Variants in IGSF21 observed in about 807,000 individuals in gnomAD.
IGSF21 encodes the protein immunoglobulin superfamily member 21.
IGSF21 carries 28 observed loss-of-function variants against 46.8 expected under a neutral mutation model. That is an observed-to-expected ratio of 0.60 (90% CI 0.44 to 0.82). IGSF21 has a LOEUF of 0.82. Ranked by LOEUF, IGSF21 falls within the 40% of genes least tolerant of loss-of-function variation. The pLI is 0.00. For missense variants in IGSF21, 624 were observed against 665.5 expected, an observed-to-expected ratio of 0.94 and a Z score of 0.69; for synonymous variants, 284 against 273.6, an observed-to-expected ratio of 1.04 and a Z score of -0.38.
intron 1 of IGSF21, among the ~76,000 whole-genome samples, chr1:18,123,201 G>A (rs1337812816): frequency 3.3e-5 from 5 of 152,236 alleles, no homozygotes; most frequent in African/African-American, 1.2e-4. Context: ...ATAGGATTTA[G>A]AAGGAACACC....
chr1:18,173,205 G>A (rs779948564), intron 1 of IGSF21, among the ~76,000 whole-genome samples: 1 of 152,118 alleles, frequency 6.6e-6, no homozygotes, highest in South Asian at 2.1e-4. Flanking sequence ...GGAGAATGGC[G>A]TGAACCCGGG....
chr1:18,273,807 G>C (rs1274806206), intron 2 of IGSF21, among the ~76,000 whole-genome samples: 1 of 151,980 alleles, frequency 6.6e-6, no homozygotes, highest in African/African-American at 2.4e-5. Context: ...GAGGTGGGAG[G>C]GAAAACATGA....
chr1:18,155,604 G>T (rs1484990568), intron 1 of IGSF21, among the ~76,000 whole-genome samples: 1 of 152,240 alleles, frequency 6.6e-6, no homozygotes, highest in African/African-American at 2.4e-5. Flanking sequence ...TGCCCAAAAA[G>T]CTGGGGTGCC....
chr1:18,146,923 T>C (rs1420382727), intron 1 of IGSF21, among the ~76,000 whole-genome samples: 1 of 152,202 alleles, frequency 6.6e-6, no homozygotes, highest in Admixed American at 6.5e-5. Context: ...ATAAAACACA[T>C]GCCTTGTAGC....
chr1:18,327,454 C>A (rs755492135), intron 3 of IGSF21, among the ~76,000 whole-genome samples: 10 of 152,182 alleles, frequency 6.6e-5, no homozygotes, highest in Non-Finnish European at 1.2e-4. Flanking sequence ...AGCTGCCAGG[C>A]CTTTGAGGCT....
At chr1:18,182,045 G>A (rs2086862288) in intron 1 of IGSF21, among the ~76,000 whole-genome samples, 1 of 152,066 alleles carries the variant, frequency 6.6e-6, no homozygotes, top group African/African-American at 2.4e-5. Context: ...ACCCCCATTT[G>A]TTAGCCTTTA....
At chr1:18,199,867 G>A (rs976935830) in intron 1 of IGSF21, among the ~76,000 whole-genome samples, 2 of 152,084 alleles carry the variant, frequency 1.3e-5, no homozygotes, top group African/African-American at 2.4e-5. Context: ...TTGCTTGGGG[G>A]CTCACACTAG....
intron 3 of IGSF21, among the ~76,000 whole-genome samples, chr1:18,320,402 G>A (rs973290906): frequency 1.3e-5 from 2 of 152,184 alleles, no homozygotes; most frequent in African/African-American, 4.8e-5. Flanking sequence ...CTGGGCTTTT[G>A]GTGGGCTGAC....
At chr1:18,265,430 C>T (rs1317183631) in intron 2 of IGSF21, among the ~76,000 whole-genome samples, 1 of 152,190 alleles carries the variant, frequency 6.6e-6, no homozygotes, top group East Asian at 1.9e-4. Context: ...TCTGGGTGTC[C>T]TCTGGGTGTT....
chr1:18,119,367 G>C (rs1349010545), intron 1 of IGSF21, among the ~76,000 whole-genome samples: 2 of 152,206 alleles, frequency 1.3e-5, no homozygotes, highest in Non-Finnish European at 2.9e-5. Context: ...AGTTTTCTCA[G>C]CTTCCATTTA....
At chr1:18,363,964 G>A (rs535635484) in intron 5 of IGSF21, among the ~76,000 whole-genome samples, 5 of 152,242 alleles carry the variant, frequency 3.3e-5, no homozygotes, top group African/African-American at 1.2e-4. Context: ...CCCTTTGGAG[G>A]CCATAGACAG....
intron 4 of IGSF21, among the ~76,000 whole-genome samples, chr1:18,338,444 CTG>C (rs1158495083): frequency 2.0e-5 from 3 of 152,130 alleles, no homozygotes; most frequent in Non-Finnish European, 4.4e-5. Flanking sequence ...TGCAGCCAAA[CTG>C]GGGCAAGACA....
intron 3 of IGSF21, among the ~76,000 whole-genome samples, chr1:18,305,369 G>A (rs1381532091): frequency 2.0e-5 from 3 of 151,034 alleles, no homozygotes; most frequent in Admixed American, 1.3e-4. Context: ...ATGCATGGAC[G>A]GATGGATGGA....
rs553817608 is a variant in IGSF21 at position 18,365,003 on chromosome 1, G to T, written c.541-220G>T. On this transcript the variant is annotated intron_variant, in intron 5 of 9. Coordinates refer to ENST00000251296, the MANE Select transcript of IGSF21 (RefSeq NM_032880.5). This position sits in a 1 kb window ranked among gnomAD's most constrained non-coding sequence, Gnocchi z 4.8. ...ATCAGTTGGTAAATGATGGGATTGG[G>T]CTAAGCCTCTGCCCCAAGGGCCTGC... Among the ~76,000 whole-genome samples the T allele has an allele frequency of 1.3e-5, 2 of 152,128 alleles. No homozygotes were observed. The highest frequency in any genetic ancestry group is 2.4e-5 in the African/African-American group (1 of 41,428).
At chr1:18,278,807 CG>C (rs1557621544) in intron 2 of IGSF21, 1 of 470,574 alleles carries the variant, frequency 2.1e-6, no homozygotes, top group Admixed American at 2.3e-5. Context: ...CTGCCTGCCT[CG>C]GCCTCCAAAA....
chr1:18,346,398 G>A lies in IGSF21; in HGVS notation c.424+11388G>A, dbSNP rs575693040. 4.6e-5 allele frequency among the ~76,000 whole-genome samples: 7 copies of A among 152,242 alleles called. No homozygotes were observed. The East Asian group carries it at 5.8e-4, about 13-fold the overall frequency. On this transcript the variant is annotated intron_variant, in intron 4 of 9. Coordinates refer to ENST00000251296, the MANE Select transcript of IGSF21 (RefSeq NM_032880.5). ...TCTCAAGGAATGAATAAGATGGCAC[G>A]TTTGGGCGTAGAGGAAATGCTTGGC...
chr1:18,218,450 C>T (rs1330962997), intron 1 of IGSF21, among the ~76,000 whole-genome samples: 2 of 152,220 alleles, frequency 1.3e-5, no homozygotes, highest in African/African-American at 4.8e-5. Context: ...AAATCAAGGA[C>T]TTCCAGCTCT....
At chr1:18,359,383 AAAGGAAGGAAGG>A (rs1202935647) in intron 4 of IGSF21, among the ~76,000 whole-genome samples, 645 of 60,956 alleles carry the variant, frequency 0.011, 24 homozygotes, top group Middle Eastern at 0.023. Flanking sequence ...AGAAAGAAAG[AAAGGAAGGAAGG>A]AAGGAAGGAA....
Position 18,209,371 on chromosome 1 carries a change from C to T in IGSF21, c.71-18527C>T, listed in dbSNP as rs573212683. On this transcript the variant is annotated intron_variant, in intron 1 of 9. Coordinates refer to ENST00000251296, the MANE Select transcript of IGSF21 (RefSeq NM_032880.5). Reference sequence around the variant, plus strand: ...GCTGCTTTCTTGGCCTGTCTCAATGCCTTTCCTATCAGGAAGGCCAGGTGA... The same window carrying T: ...GCTGCTTTCTTGGCCTGTCTCAATGTCTTTCCTATCAGGAAGGCCAGGTGA... Among the ~76,000 whole-genome samples, 38 of 152,276 alleles carry T rather than the reference C, an allele frequency of 2.5e-4. No individual in the cohort carries two copies. The South Asian group carries it at 5.6e-3, about 22-fold the overall frequency.
Sources: allele counts gnomAD v4.1 joint callset (sites outside exome capture counted in the v4.1 genomes callset), GRCh38; gene constraint gnomAD v4.1.1; non-coding constraint Gnocchi (gnomAD v3.1); transcripts MANE v1.5; gene names NCBI Gene and HGNC (gene_info 2026-07-23, HGNC 2026-07-21).